The following MAP4 variants were observed in gnomAD, a reference collection of about 807,000 sequenced individuals.
MAP4 encodes microtubule-associated protein 4.
In MAP4, 76 loss-of-function variants were observed where a neutral mutation model predicts 170.2. That is an observed-to-expected ratio of 0.45 (90% CI 0.37 to 0.54). The LOEUF (loss-of-function observed/expected upper bound fraction) is 0.54. MAP4 is among the 20% of genes least tolerant of loss of function. MAP4 has a pLI of 0.00. For synonymous variants in MAP4, 909 were observed against 994.5 expected, an observed-to-expected ratio of 0.91 and a Z score of 1.62; for missense variants, 2,506 against 2,748.0, an observed-to-expected ratio of 0.91 and a Z score of 1.97.
intron 3 of MAP4, among the ~76,000 whole-genome samples, chr3:47,951,027 G>T: frequency 6.6e-6 from 1 of 152,096 alleles, no homozygotes; most frequent in East Asian, 1.9e-4. Flanking sequence ...TTTCAAGTAG[G>T]TCAGTTTTGG....
chr3:48,030,822 A>T (rs1425951281), intron 1 of MAP4, among the ~76,000 whole-genome samples: 1 of 151,226 alleles, frequency 6.6e-6, no homozygotes, highest in Non-Finnish European at 1.5e-5. Flanking sequence ...AAAAAAAAAA[A>T]AAGATAGGGG....
chr3:47,951,917 C>A (rs1262969667), intron 3 of MAP4, among the ~76,000 whole-genome samples: 2 of 151,954 alleles, frequency 1.3e-5, no homozygotes. Context: ...GCGCCTCTTC[C>A]CGGCCGCCAT....
chr3:47,990,115 C>G (rs750079940), intron 2 of MAP4, among the ~76,000 whole-genome samples: 20 of 152,196 alleles, frequency 1.3e-4, no homozygotes, highest in Non-Finnish European at 2.6e-4. Flanking sequence ...CCCTCTGGTG[C>G]TGTCAGACCC....
intron 2 of MAP4, among the ~76,000 whole-genome samples, chr3:47,983,318 C>T (rs1167462572): frequency 1.3e-5 from 2 of 152,146 alleles, no homozygotes; most frequent in Non-Finnish European, 2.9e-5. Context: ...AAATGATCCT[C>T]CTCCCTCAGC....
At chr3:48,005,459 A>G (rs983838846) in intron 1 of MAP4, among the ~76,000 whole-genome samples, 6 of 152,204 alleles carry the variant, frequency 3.9e-5, no homozygotes, top group African/African-American at 1.4e-4. Context: ...TGGAAGGAAC[A>G]TAGAGTTGGA....
At chr3:47,990,649 A>T (rs1979075) in intron 2 of MAP4, among the ~76,000 whole-genome samples, 128 of 152,338 alleles carry the variant, frequency 8.4e-4, no homozygotes, top group Non-Finnish European at 1.5e-3. Flanking sequence ...TCTGAGGGTC[A>T]ATACTGTGCT....
chr3:47,902,883 G>T, intron 10 of MAP4, 67 bp downstream of exon 10: 1 of 651,386 alleles, frequency 1.5e-6, no homozygotes, highest in Non-Finnish European at 1.9e-6. Flanking sequence ...ATGTACAAGG[G>T]CCTTGAAACT....
intron 18 of MAP4, among the ~76,000 whole-genome samples, chr3:47,856,871 G>C (rs553659167): frequency 6.6e-6 from 1 of 152,366 alleles, no homozygotes; most frequent in East Asian, 1.9e-4. Context: ...ACACGAGGCT[G>C]CTAGGGGACT....
chr3:47,928,228 C>T lies in MAP4; in HGVS notation c.415G>A (p.Asp139Asn). The T allele has an allele frequency of 6.2e-7, 1 of 1,614,046 alleles. No homozygotes were observed. The highest frequency in any genetic ancestry group is 1.1e-5 in the South Asian group (1 of 91,042). ...PEQVVDPIQT[D>N]PFKMYHDDDL... is the part of the protein sequence containing the mutation. The stretch of plus-strand genomic sequence containing the variant: ...TAGTCACGAGCAAGCCAACACTTAC[C>T]AGTCTGGATAGGATCGACCACTTGC... The change falls in exon 4 of 21, where the codon GAT becomes AAT. Residue 139 changes from aspartate (D) to asparagine (N), a missense_variant and splice_region_variant. This residue lies in a region of MAP4 where 2,008 missense variants were observed against 2,206.0 expected (regional missense o/e 0.91). Transcript: ENST00000683076.
intron 1 of MAP4, among the ~76,000 whole-genome samples, chr3:48,081,947 C>A (rs2100146865): frequency 6.6e-6 from 1 of 151,912 alleles, no homozygotes; most frequent in Non-Finnish European, 1.5e-5. Context: ...CCAGGAAGTA[C>A]AAAAGTGCTA....
At chr3:47,958,934 G>A (rs1476665299) in intron 3 of MAP4, among the ~76,000 whole-genome samples, 1 of 151,808 alleles carries the variant, frequency 6.6e-6, no homozygotes, top group Non-Finnish European at 1.5e-5. Flanking sequence ...CACCCAACTC[G>A]GCCTCCCAAA....
intron 17 of MAP4, among the ~76,000 whole-genome samples, chr3:47,858,772 A>G (rs936899129): frequency 6.6e-6 from 1 of 151,032 alleles, no homozygotes; most frequent in African/African-American, 2.4e-5. Flanking sequence ...GGAGTTTGAG[A>G]CCAGCCTGGC....
At position 47,930,451 on chromosome 3, in the gene MAP4, C is replaced by CA. The variant is rs1310181534; in HGVS notation, c.293-2102dup. ...TGGGCGACAGAGCGAGACTCCGTCT[C>CA]AAAAAAAAAAACAAACAAACAAACA... On this transcript the variant is annotated intron_variant, in intron 3 of 20. Coordinates refer to ENST00000683076, the MANE Select transcript of MAP4 (RefSeq NM_001385682.1). Among the ~76,000 whole-genome samples, 786 of 94,556 alleles carry CA rather than the reference C, an allele frequency of 8.3e-3. 6 individuals carry two copies. Among genetic ancestry groups the CA allele is most frequent in the South Asian group, 0.028 (80 of 2,872 alleles). The allele number at this position is 94,556 out of a possible 152,430, so 62.0% of individuals were successfully genotyped here.
intron 3 of MAP4, among the ~76,000 whole-genome samples, chr3:47,967,156 G>A (rs2100075601): frequency 2.0e-5 from 3 of 152,098 alleles, no homozygotes; most frequent in African/African-American, 7.2e-5. Context: ...GACCAACATG[G>A]AGAAACCCCA....
At chr3:48,022,628 T>C (rs918257884) in intron 1 of MAP4, among the ~76,000 whole-genome samples, 5 of 152,104 alleles carry the variant, frequency 3.3e-5, no homozygotes, top group African/African-American at 2.4e-5. Flanking sequence ...TGGTGGCTCA[T>C]GCCTGTAATC....
intron 1 of MAP4, among the ~76,000 whole-genome samples, chr3:48,062,469 G>T (rs1228508089): frequency 8.4e-6 from 1 of 119,298 alleles, no homozygotes; most frequent in Non-Finnish European, 1.6e-5. Flanking sequence ...ATCCCCTTCT[G>T]CGAGAAACAC....
At chr3:48,062,514 A>AAAAC (rs2100136283) in intron 1 of MAP4, among the ~76,000 whole-genome samples, 1 of 150,444 alleles carries the variant, frequency 6.6e-6, no homozygotes, top group Non-Finnish European at 1.5e-5. Flanking sequence ...AAAAAAAAAA[A>AAAAC]AAACATCACT....
At chr3:48,068,264 C>CAAAA (rs34691079) in intron 1 of MAP4, among the ~76,000 whole-genome samples, 1 of 106,686 alleles carries the variant, frequency 9.4e-6, no homozygotes, top group Non-Finnish European at 1.9e-5. Context: ...GATTCTGTCT[C>CAAAA]AAAAAAAAAA....
intron 20 of MAP4, 25 bp from the exon 21 acceptor site, chr3:47,852,963 G>A (rs771817385): frequency 6.2e-7 from 1 of 1,614,098 alleles, no homozygotes; most frequent in Non-Finnish European, 8.5e-7. Flanking sequence ...GAGGAGGGAA[G>A]GGAGAGGGGA....
Sources: gnomAD v4.1 joint callset for allele counts (sites outside exome capture counted in the v4.1 genomes callset) on GRCh38, gnomAD v4.1.1 for gene constraint, gnomAD v4.1.1 regional missense constraint, MANE v1.5 for transcripts, NCBI Gene and HGNC (gene_info 2026-07-23, HGNC 2026-07-21) for gene names.